The following FRMD3 variants were observed in gnomAD, a reference collection of about 807,000 sequenced individuals.
The protein encoded by FRMD3 is FERM domain containing 3.
Under a neutral mutation model 70.2 loss-of-function variants are expected in FRMD3, and 33 were observed. The observed-to-expected ratio is 0.47, with a 90% CI of 0.36 to 0.63. FRMD3 has a LOEUF of 0.63. Among genes scored for constraint, FRMD3 ranks in the 20% least tolerant of loss-of-function variants. The pLI, the probability that FRMD3 is intolerant of heterozygous loss-of-function variation, is 0.00. For synonymous variants in FRMD3, 279 were observed against 255.9 expected (o/e 1.09, Z -0.86); for missense variants, 632 against 711.4 (o/e 0.89, Z 1.27).
At chr9:83,522,668 A>G (rs1380442981) in intron 1 of FRMD3, among the ~76,000 whole-genome samples, 2 of 150,096 alleles carry the variant, frequency 1.3e-5, no homozygotes, top group Admixed American at 1.3e-4. Context: ...GGTTCACACC[A>G]TTCTCCTGCC....
At chr9:83,541,551 G>A (rs1304641116), upstream of FRMD3, among the ~76,000 whole-genome samples, 1 of 152,218 alleles carries the variant, frequency 6.6e-6, no homozygotes, top group East Asian at 1.9e-4. Flanking sequence ...GGCAAAGGAA[G>A]GACTGCCATC....
At chr9:83,344,468 G>T (rs1231451361) in intron 4 of FRMD3, among the ~76,000 whole-genome samples, 1 of 152,162 alleles carries the variant, frequency 6.6e-6, no homozygotes, top group Non-Finnish European at 1.5e-5. Context: ...TGACTTGGTG[G>T]ACTGAGTAAA....
chr9:83,529,355 G>A (rs1829748141), intron 1 of FRMD3, among the ~76,000 whole-genome samples: 1 of 152,198 alleles, frequency 6.6e-6, no homozygotes. Flanking sequence ...GGGAGTAGCT[G>A]TTAATAGATA....
intron 1 of FRMD3, among the ~76,000 whole-genome samples, chr9:83,456,601 A>G (rs988542352): frequency 3.3e-5 from 5 of 152,224 alleles, no homozygotes; most frequent in African/African-American, 1.2e-4. Context: ...ACTACATGGT[A>G]AATGGTATCT....
intron 1 of FRMD3, among the ~76,000 whole-genome samples, chr9:83,477,957 A>G (rs1340420159): frequency 6.6e-6 from 1 of 152,130 alleles, no homozygotes; most frequent in Admixed American, 6.6e-5. Flanking sequence ...TCACCTCCTT[A>G]CAGGAGTTCA....
At chr9:83,343,958 C>CCCTTT (rs979125302) in intron 4 of FRMD3, among the ~76,000 whole-genome samples, 1 of 152,218 alleles carries the variant, frequency 6.6e-6, no homozygotes, top group African/African-American at 2.4e-5. Context: ...ACAGCAGCTC[C>CCCTTT]CTAGAAAGGG....
At chr9:83,288,956 A>G (rs1040332169) in intron 13 of FRMD3, among the ~76,000 whole-genome samples, 2 of 152,182 alleles carry the variant, frequency 1.3e-5, no homozygotes, top group East Asian at 1.9e-4. Context: ...TGGGCCTCCA[A>G]ATTGCATTCC....
intron 13 of FRMD3, among the ~76,000 whole-genome samples, chr9:83,263,880 G>GA (rs1833105655): frequency 1.3e-5 from 2 of 152,110 alleles, no homozygotes; most frequent in South Asian, 4.1e-4. Flanking sequence ...TGGAAAACTT[G>GA]CATGAGGACA....
chr9:83,462,863 G>C (rs1328605393), intron 1 of FRMD3, among the ~76,000 whole-genome samples: 1 of 151,936 alleles, frequency 6.6e-6, no homozygotes, highest in Non-Finnish European at 1.5e-5. Flanking sequence ...ATAATTTTTT[G>C]TTTTCCCTCA....
At chr9:83,306,099 T>C (rs1208431003) in intron 10 of FRMD3, among the ~76,000 whole-genome samples, 1 of 152,208 alleles carries the variant, frequency 6.6e-6, no homozygotes, top group Admixed American at 6.5e-5. Context: ...CCCAACTGAC[T>C]TCCTCATATA....
chr9:83,245,983 T>A lies in FRMD3; in HGVS notation c.*1935A>T, dbSNP rs890804335. 2 of 984,306 alleles carry A rather than the reference T, an allele frequency of 2.0e-6. No homozygotes were observed. The highest frequency in any genetic ancestry group is 2.4e-6 in the Non-Finnish European group (2 of 829,080). The allele number at this position is 984,306 out of a possible 1,614,324, so 61.0% of individuals were successfully genotyped here. On this transcript the variant is annotated 3_prime_UTR_variant, in exon 14 of 14. Transcript: ENST00000304195. Reference sequence around the variant, plus strand: ...TTATTTAAAAAGCAAAATAAATCACTGAAAGCATATAGGAAAGGAAACCCC... The same window carrying A: ...TTATTTAAAAAGCAAAATAAATCACAGAAAGCATATAGGAAAGGAAACCCC...
chr9:83,442,995 A>G (rs913205561), intron 1 of FRMD3, among the ~76,000 whole-genome samples: 2 of 152,250 alleles, frequency 1.3e-5, no homozygotes, highest in Non-Finnish European at 1.5e-5. Context: ...GAATGTCAAC[A>G]TAAAAATACA....
intron 1 of FRMD3, among the ~76,000 whole-genome samples, chr9:83,532,280 C>T (rs1378947698): frequency 6.6e-6 from 1 of 152,180 alleles, no homozygotes; most frequent in Admixed American, 6.5e-5. Context: ...CATATGCTCT[C>T]AACCACTTCA....
At chr9:83,553,006 T>C in the FRMD3 span, among the ~76,000 whole-genome samples, 11,054 of 152,258 alleles carry the variant, frequency 0.073, 506 homozygotes, top group Middle Eastern at 0.19. Flanking sequence ...TTGACATGTG[T>C]GCATTTGATC....
At chr9:83,462,786 C>A (rs932258610) in intron 1 of FRMD3, among the ~76,000 whole-genome samples, 2 of 152,168 alleles carry the variant, frequency 1.3e-5, no homozygotes, top group Admixed American at 6.5e-5. Context: ...TAGAAGAAGA[C>A]CACATGTTTA....
intron 6 of FRMD3, among the ~76,000 whole-genome samples, chr9:83,321,201 G>A (rs1341641973): frequency 6.6e-6 from 1 of 151,942 alleles, no homozygotes; most frequent in African/African-American, 2.4e-5. Flanking sequence ...TCTGATCTTT[G>A]TTATTTCTTT....
At chr9:83,420,937 C>CTTTTTT (rs897070718) in intron 1 of FRMD3, among the ~76,000 whole-genome samples, 79 of 107,718 alleles carry the variant, frequency 7.3e-4, no homozygotes, top group Admixed American at 1.4e-3. Context: ...TTTCTTTCTT[C>CTTTTTT]TTTTTTTTTT....
chr9:83,415,625 T>TTA (rs1826415758), intron 1 of FRMD3, among the ~76,000 whole-genome samples: 3 of 149,350 alleles, frequency 2.0e-5, no homozygotes, highest in South Asian at 2.1e-4. Flanking sequence ...TTTTTTTTTT[T>TTA]TTTTTTTTGG....
chr9:83,551,210 C>T, the FRMD3 span, among the ~76,000 whole-genome samples: 2 of 152,036 alleles, frequency 1.3e-5, no homozygotes, highest in Non-Finnish European at 2.9e-5. Context: ...TATCAAAAGC[C>T]TTTTCTGCAT....
Sources: gnomAD v4.1 joint callset for allele counts (sites outside exome capture counted in the v4.1 genomes callset) on GRCh38, gnomAD v4.1.1 for gene constraint, MANE v1.5 for transcripts, NCBI Gene and HGNC (gene_info 2026-07-23, HGNC 2026-07-21) for gene names.